Variants in UBTD1 observed in about 807,000 individuals in gnomAD.
UBTD1 encodes the protein ubiquitin domain-containing protein 1.
A neutral mutation model predicts 21.7 loss-of-function variants in UBTD1; 19 were observed. The observed-to-expected ratio is 0.87, with a 90% CI of 0.61 to 1.28. UBTD1 has a LOEUF of 1.28. Ranked by LOEUF, UBTD1 falls within the 50% of genes most tolerant of loss-of-function variation. The probability of loss-of-function intolerance (pLI) is 0.00; values close to 1 mark genes in which losing one functional copy is unlikely to be tolerated. For synonymous variants in UBTD1, 116 were observed against 135.1 expected (o/e 0.86, Z 0.98); for missense variants, 282 against 315.1 (o/e 0.89, Z 0.80).
At chr10:97,503,071 C>G (rs1447608426) in intron 1 of UBTD1, among the ~76,000 whole-genome samples, 1 of 151,956 alleles carries the variant, frequency 6.6e-6, no homozygotes, top group Non-Finnish European at 1.5e-5. Context: ...TGTGCACCAC[C>G]ACGCCCAGCT....
At position 97,502,874 on chromosome 10, in the gene UBTD1, TGTATATATATAC is replaced by T. The variant is rs1420374379; in HGVS notation, c.70+3612_70+3623del. ...ATATATACGTATATATACGTATATA[TGTATATATATAC>T]GTATATATATGTGTGTATATATGTA... On this transcript the variant is annotated intron_variant, in intron 1 of 2. Transcript: ENST00000370664. Among the ~76,000 whole-genome samples the T allele has an allele frequency of 1.4e-4, 20 of 140,592 alleles. No individual in the cohort carries two copies. In the East Asian group the frequency reaches 4.1e-3, roughly 29 times the overall value. The allele number at this position is 140,592 out of a possible 152,430, so 92.2% of individuals were successfully genotyped here.
chr10:97,507,700 T>G (rs1333812851), intron 1 of UBTD1, among the ~76,000 whole-genome samples: 1 of 138,026 alleles, frequency 7.2e-6, no homozygotes, highest in Admixed American at 8.3e-5. Flanking sequence ...CGCTTGAACC[T>G]GGGAGGCGGA....
intron 1 of UBTD1, among the ~76,000 whole-genome samples, chr10:97,519,248 T>C (rs1443946854): frequency 6.6e-6 from 1 of 152,266 alleles, no homozygotes; most frequent in Non-Finnish European, 1.5e-5. Flanking sequence ...AACTTTTGGA[T>C]GGTAGAGGTT....
intron 1 of UBTD1, among the ~76,000 whole-genome samples, chr10:97,511,819 C>G (rs2040424281): frequency 6.6e-6 from 1 of 152,214 alleles, no homozygotes; most frequent in African/African-American, 2.4e-5. Flanking sequence ...GGTAGGCACA[C>G]CACAGTGATT....
chr10:97,510,780 G>A (rs2040420456), intron 1 of UBTD1, among the ~76,000 whole-genome samples: 4 of 152,162 alleles, frequency 2.6e-5, no homozygotes, highest in Admixed American at 2.6e-4. Flanking sequence ...TTGCAAGATA[G>A]TGTCATTATC....
rs756767077 is a variant in UBTD1, at chr10:97,570,391, C to T, written c.552C>T (p.Ile184=). The change falls in exon 3 of 3, where the codon ATC becomes ATT. Residue 184 remains isoleucine, a synonymous_variant. Transcript: ENST00000370664. The surrounding 1 kb of genome is among the most constrained non-coding windows in gnomAD (Gnocchi z 6.6). Reference sequence around the variant, plus strand: ...GGCAGCTGCACGCCCAGGAGGGCATCGAGCCATCGTGGCAGCGGTGGTTCT... The same window carrying T: ...GGCAGCTGCACGCCCAGGAGGGCATTGAGCCATCGTGGCAGCGGTGGTTCT... ...LKRQLHAQEG[I]EPSWQRWFFS... is the part of the protein sequence containing the mutation. The T allele has an allele frequency of 3.0e-5, 48 of 1,613,244 alleles. No individual in the cohort carries two copies. The highest frequency in any genetic ancestry group is 4.0e-5 in the African/African-American group (3 of 74,930).
chr10:97,544,863 A>G (rs111494142), intron 1 of UBTD1, among the ~76,000 whole-genome samples: 2,609 of 152,068 alleles, frequency 0.017, 78 homozygotes, highest in African/African-American at 0.06. Flanking sequence ...AAGAGAAAAT[A>G]TATTTACTAT....
chr10:97,539,867 G>A (rs570710999), intron 1 of UBTD1, among the ~76,000 whole-genome samples: 24 of 152,276 alleles, frequency 1.6e-4, no homozygotes, highest in African/African-American at 5.5e-4. Context: ...CTCTGTCACC[G>A]TTAGCTCCCT....
At chr10:97,537,386 G>T (rs1407117910) in intron 1 of UBTD1, among the ~76,000 whole-genome samples, 3 of 152,316 alleles carry the variant, frequency 2.0e-5, no homozygotes. Context: ...AGCACCAGGG[G>T]TAGGATAGCT....
intron 1 of UBTD1, among the ~76,000 whole-genome samples, chr10:97,523,997 T>C (rs1348590276): frequency 6.6e-6 from 1 of 152,122 alleles, no homozygotes; most frequent in Non-Finnish European, 1.5e-5. Context: ...AGAATGAATG[T>C]TTGTGTGCAT....
intron 1 of UBTD1, among the ~76,000 whole-genome samples, chr10:97,524,807 G>C (rs918944393): frequency 6.6e-6 from 1 of 152,200 alleles, no homozygotes; most frequent in African/African-American, 2.4e-5. Flanking sequence ...CATGGTTGAA[G>C]TTGGGTTGCA....
chr10:97,567,647 G>A (rs1452754017), intron 1 of UBTD1, among the ~76,000 whole-genome samples: 1 of 151,896 alleles, frequency 6.6e-6, no homozygotes. Context: ...CAACAAGAGT[G>A]AAACTCCATC....
At chr10:97,541,576 C>T (rs1423940149) in intron 1 of UBTD1, among the ~76,000 whole-genome samples, 1 of 152,160 alleles carries the variant, frequency 6.6e-6, no homozygotes, top group Admixed American at 6.5e-5. Context: ...GTGCTCCACA[C>T]AGCACTGCAG....
rs576801154 is a variant in UBTD1 at position 97,525,329 on chromosome 10, AC to A, written c.70+26058del. On this transcript the variant is annotated intron_variant, in intron 1 of 2. Coordinates refer to ENST00000370664, the MANE Select transcript of UBTD1 (RefSeq NM_024954.5). ...ACCGCAGATAGAGAGCTAAAAGACCACCTGGGGCCTCCATATGCTCGCAGTT... is the reference window on the plus strand; with the variant it reads ...ACCGCAGATAGAGAGCTAAAAGACCACTGGGGCCTCCATATGCTCGCAGTT... Among the ~76,000 whole-genome samples, 14 of 152,314 alleles carry A rather than the reference AC, an allele frequency of 9.2e-5. No homozygotes were observed. The South Asian group carries it at 2.9e-3, about 32-fold the overall frequency.
chr10:97,505,565 A>G (rs752258701), intron 1 of UBTD1, among the ~76,000 whole-genome samples: 2 of 152,254 alleles, frequency 1.3e-5, no homozygotes, highest in African/African-American at 2.4e-5. Context: ...AATTACTTTC[A>G]TGGCTACACA....
intron 1 of UBTD1, among the ~76,000 whole-genome samples, chr10:97,534,848 A>G (rs1403140912): frequency 6.6e-6 from 1 of 152,064 alleles, no homozygotes; most frequent in African/African-American, 2.4e-5. Context: ...TCCAGCCCAC[A>G]CCTCTGCCCA....
At chr10:97,558,849 G>T (rs1482219181) in intron 1 of UBTD1, among the ~76,000 whole-genome samples, 1 of 152,056 alleles carries the variant, frequency 6.6e-6, no homozygotes, top group African/African-American at 2.4e-5. Context: ...ACCTATAAGG[G>T]GCTTCTCTCG....
intron 1 of UBTD1, among the ~76,000 whole-genome samples, chr10:97,546,294 C>T (rs1416021852): frequency 6.6e-6 from 1 of 152,054 alleles, no homozygotes; most frequent in Non-Finnish European, 1.5e-5. Flanking sequence ...GTGTTTCTGT[C>T]AGGCCACAGG....
chr10:97,553,789 A>T (rs1452329119), intron 1 of UBTD1, among the ~76,000 whole-genome samples: 1 of 152,086 alleles, frequency 6.6e-6, no homozygotes, highest in Non-Finnish European at 1.5e-5. Context: ...TCACCAGCCC[A>T]TTGTAAGATT....
Sources: gnomAD v4.1 joint callset for allele counts (sites outside exome capture counted in the v4.1 genomes callset) on GRCh38, gnomAD v4.1.1 for gene constraint, Gnocchi (gnomAD v3.1) non-coding constraint, MANE v1.5 for transcripts, NCBI Gene and HGNC (gene_info 2026-07-23, HGNC 2026-07-21) for gene names.